The following ABR variants were observed in gnomAD, a reference collection of about 807,000 sequenced individuals.
ABR encodes the protein active breakpoint cluster region-related protein.
A neutral mutation model predicts 107.2 loss-of-function variants in ABR; 35 were observed. The ratio of observed to expected loss-of-function variants is 0.33; its 90% CI spans 0.25 to 0.43. The LOEUF is 0.43. ABR is among the 20% of genes least tolerant of loss of function. ABR has a pLI of 1.00. For missense variants in ABR, 815 were observed against 1,115.2 expected, an observed-to-expected ratio of 0.73 and a Z score of 3.83; for synonymous variants, 498 against 462.0, an observed-to-expected ratio of 1.08 and a Z score of -1.00.
chr17:1,138,095 G>A (rs949428077), intron 1 of ABR, among the ~76,000 whole-genome samples: 14 of 151,394 alleles, frequency 9.2e-5, no homozygotes, highest in African/African-American at 3.4e-4. Context: ...GTAGAGATGG[G>A]GTTTCAGCAT....
At chr17:1,215,291 C>G (rs1206320122) in intron 1 of ABR, among the ~76,000 whole-genome samples, 1 of 151,812 alleles carries the variant, frequency 6.6e-6, no homozygotes. Context: ...GATGCCGAGC[C>G]GAAGCTGGAC....
At chr17:1,042,645 GACAA>G (rs2030822961) in intron 16 of ABR, among the ~76,000 whole-genome samples, 1 of 150,946 alleles carries the variant, frequency 6.6e-6, no homozygotes, top group South Asian at 2.1e-4. Context: ...CAGACAGAAG[GACAA>G]ACAGACGTGG....
At chr17:1,018,071 C>T (rs1597382904) in intron 16 of ABR, among the ~76,000 whole-genome samples, 1 of 150,446 alleles carries the variant, frequency 6.6e-6, no homozygotes, top group Admixed American at 6.6e-5. Flanking sequence ...GAGACGGAGT[C>T]TTGCTCTGTC....
intron 1 of ABR, among the ~76,000 whole-genome samples, chr17:1,137,903 CTTT>C (rs1310688018): frequency 1.4e-5 from 2 of 144,322 alleles, no homozygotes; most frequent in Non-Finnish European, 1.5e-5. Context: ...ACCACAATTA[CTTT>C]TTTTTTTTTT....
rs1355226290 is a variant in ABR at position 1,159,927 on chromosome 17, T to G, written c.61+19740A>C. Among the ~76,000 whole-genome samples the G allele has an allele frequency of 3.3e-5, 5 of 152,320 alleles. No individual in the cohort carries two copies. In the East Asian group the frequency reaches 9.7e-4, roughly 29 times the overall value. ...GTGGGAGCCCCTCCAGGGCCTGATC[T>G]CGGCGAGGGATGAGGGATGCTGGCC... On this transcript the variant is annotated intron_variant, in intron 1 of 22. Transcript: ENST00000302538.
intron 1 of ABR, among the ~76,000 whole-genome samples, chr17:1,160,526 T>C (rs531300994): frequency 4.6e-5 from 7 of 152,330 alleles, no homozygotes; most frequent in African/African-American, 1.7e-4. Flanking sequence ...GTCCGTTCAT[T>C]CATTTTTCAT....
intron 1 of ABR, among the ~76,000 whole-genome samples, chr17:1,164,342 CGGAGCATCT>C (rs1489759485): frequency 6.9e-6 from 1 of 144,106 alleles, no homozygotes; most frequent in African/African-American, 2.6e-5. Context: ...ACATGGATGT[CGGAGCATCT>C]AGGTGGGACC....
chr17:1,031,776 GCGCCTGTGGAGCGCTCA>G, intron 16 of ABR: 1 of 1,230,154 alleles, frequency 8.1e-7, no homozygotes, highest in Non-Finnish European at 1.0e-6. Flanking sequence ...TGGAGAGAAG[GCGCCTGTGGAGCGCTCA>G]GTCCCGGCTG....
Position 1,050,644 on chromosome 17 carries a change from A to G in ABR, c.1562-10T>C. On this transcript the variant is annotated splice_polypyrimidine_tract_variant and intron_variant, in intron 14 of 22. Coordinates refer to ENST00000302538, the MANE Select transcript of ABR (RefSeq NM_021962.5). The surrounding 1 kb of genome is among the most constrained non-coding windows in gnomAD (Gnocchi z 4.6). Reference sequence around the variant, plus strand: ...AGGGTACAGTACAGGTCTGTGGGGGAAGGACAGACGGAGATACTGAGTGAG... The same window carrying G: ...AGGGTACAGTACAGGTCTGTGGGGGGAGGACAGACGGAGATACTGAGTGAG... The G allele has an allele frequency of 6.2e-7, 1 of 1,610,740 alleles. No individual in the cohort carries two copies. The highest frequency in any genetic ancestry group is 8.5e-7 in the Non-Finnish European group (1 of 1,177,304).
At chr17:1,043,471 TA>T (rs796979576) in intron 16 of ABR, among the ~76,000 whole-genome samples, 13 of 148,574 alleles carry the variant, frequency 8.7e-5, no homozygotes, top group African/African-American at 2.9e-4. Flanking sequence ...GCCCGGCCCC[TA>T]AAATTTATTA....
At chr17:1,073,817 GC>G in intron 6 of ABR, 140 bp from the exon 7 acceptor site, 1 of 679,778 alleles carries the variant, frequency 1.5e-6, no homozygotes, top group Admixed American at 2.9e-5. Flanking sequence ...GCCCACGGCA[GC>G]CCCCACCTCT....
At position 1,210,700 on chromosome 17, in the gene ABR, TACTTTATC is replaced by T. The variant is rs1376398631; in HGVS notation, c.838+18085_838+18092del. Among the ~76,000 whole-genome samples, 3 of 152,306 alleles carry T rather than the reference TACTTTATC, an allele frequency of 2.0e-5. No individual in the cohort carries two copies. The East Asian group carries it at 5.8e-4, about 29-fold the overall frequency. Reference sequence around the variant, plus strand: ...TTCCTGGCTCCTAACACAAAAGGATTACTTTATCACTTTATCAACCAACTGGCAACTCC... The same window carrying T: ...TTCCTGGCTCCTAACACAAAAGGATTACTTTATCAACCAACTGGCAACTCC... On this transcript the variant is annotated intron_variant, in intron 1 of 22. Coordinates refer to the ABR transcript ENST00000574139. The surrounding 1 kb of genome is among the most constrained non-coding windows in gnomAD (Gnocchi z 5.6).
chr17:1,094,038 C>T (rs560057742), intron 3 of ABR, among the ~76,000 whole-genome samples: 20 of 152,244 alleles, frequency 1.3e-4, no homozygotes, highest in African/African-American at 4.6e-4. Flanking sequence ...AATCAATGGC[C>T]CCTCGGTGTC....
chr17:1,203,385 AG>A (rs1310396989), intron 1 of ABR, among the ~76,000 whole-genome samples: 177 of 13,134 alleles, frequency 0.013, 28 homozygotes, highest in African/African-American at 0.053. Context: ...CGGGGCCTTG[AG>A]GGGGCGGGGC....
chr17:1,102,768 T>C (rs1198448229), intron 2 of ABR, among the ~76,000 whole-genome samples: 2 of 152,188 alleles, frequency 1.3e-5, no homozygotes, highest in Non-Finnish European at 2.9e-5. Flanking sequence ...TGGAGTGCAA[T>C]GGCATGATCT....
At chr17:1,222,082 C>T (rs78018283) in intron 1 of ABR, among the ~76,000 whole-genome samples, 66,412 of 138,398 alleles carry the variant, frequency 0.48, 17,033 homozygotes, top group Non-Finnish European at 0.55. Context: ...ATCTTTTTTT[C>T]TGAGACGGAG....
chr17:1,142,418 C>A (rs979090657), intron 1 of ABR, among the ~76,000 whole-genome samples: 3 of 152,022 alleles, frequency 2.0e-5, no homozygotes, highest in African/African-American at 7.2e-5. Context: ...AACCCCGTCT[C>A]TACTAAAAAT....
intron 5 of ABR, among the ~76,000 whole-genome samples, chr17:1,082,495 C>T (rs2036307223): frequency 6.6e-6 from 1 of 151,462 alleles, no homozygotes; most frequent in South Asian, 2.1e-4. Context: ...GGCTGGGCCT[C>T]AGGAGCAGAA....
At chr17:1,093,022 T>G (rs775896052) in intron 3 of ABR, among the ~76,000 whole-genome samples, 22 of 151,750 alleles carry the variant, frequency 1.4e-4, no homozygotes, top group Non-Finnish European at 3.1e-4. Context: ...GGGGTTTCAC[T>G]GTGTTAGCCA....
Sources: gnomAD v4.1 joint callset for allele counts (sites outside exome capture counted in the v4.1 genomes callset) on GRCh38, gnomAD v4.1.1 for gene constraint, Gnocchi (gnomAD v3.1) non-coding constraint, MANE v1.5 for transcripts, NCBI Gene and HGNC (gene_info 2026-07-23, HGNC 2026-07-21) for gene names.